MYBL2: variants seen among roughly 807,000 people sequenced by gnomAD.
MYBL2 encodes MYB proto-oncogene like 2, also known as myb-related protein B.
Under a neutral mutation model 79.9 loss-of-function variants are expected in MYBL2, and 28 were observed. The ratio of observed to expected loss-of-function variants is 0.35; its 90% confidence interval spans 0.26 to 0.48. The LOEUF (loss-of-function observed/expected upper bound fraction) is 0.48, where lower values mean the gene tolerates loss of function less well. Ranked by LOEUF, MYBL2 falls within the 20% of genes least tolerant of loss-of-function variation. The pLI is 0.99. For synonymous variants in MYBL2, 378 were observed against 361.2 expected (o/e 1.05, Z -0.53); for missense variants, 735 against 893.9 (o/e 0.82, Z 2.27).
chr20:43,716,129 G>A lies in MYBL2; in HGVS notation c.*42G>A. On this transcript the variant is annotated 3_prime_UTR_variant, in exon 14 of 14. Coordinates refer to ENST00000217026, the MANE Select transcript of MYBL2 (RefSeq NM_002466.4). ...CGAGCCCATTCTCATGTTTACAGGG[G>A]TTGTGGGGGCAGAGGGGGTCTGTGA... 2 of 1,598,084 alleles carry A rather than the reference G, an allele frequency of 1.3e-6. No homozygotes were observed. Among genetic ancestry groups the A allele is most frequent in the Non-Finnish European group, 1.7e-6 (2 of 1,178,724 alleles).
chr20:43,679,704 A>G (rs890462522), intron 2 of MYBL2, among the ~76,000 whole-genome samples: 2 of 152,136 alleles, frequency 1.3e-5, no homozygotes, highest in African/African-American at 4.8e-5. Flanking sequence ...TGCTTGAGGC[A>G]GTCTAGACCA....
At chr20:43,690,238 C>T (rs1332184947) in intron 5 of MYBL2, among the ~76,000 whole-genome samples, 3 of 150,366 alleles carry the variant, frequency 2.0e-5, no homozygotes, top group African/African-American at 7.4e-5. Context: ...CGGAGTCTTG[C>T]TCTGTCGCCC....
intron 2 of MYBL2, among the ~76,000 whole-genome samples, chr20:43,677,289 G>C (rs557231354): frequency 9.9e-4 from 150 of 152,240 alleles, no homozygotes; most frequent in African/African-American, 3.4e-3. Flanking sequence ...GGTCATCCGC[G>C]GCACCGGTAG....
chr20:43,706,717 A>AG (rs553045264), intron 9 of MYBL2, among the ~76,000 whole-genome samples: 1 of 95,284 alleles, frequency 1.0e-5, no homozygotes, highest in African/African-American at 4.8e-5. Context: ...AAAAAAAAAA[A>AG]AGTTTTTTTT....
At chr20:43,712,921 T>C in intron 11 of MYBL2, 81 bp from the exon 12 acceptor site, 1 of 1,098,972 alleles carries the variant, frequency 9.1e-7, no homozygotes, top group Non-Finnish European at 1.4e-6. Flanking sequence ...TTTGTGACCA[T>C]CCATGGCCAT....
At chr20:43,709,019 G>T (rs772502844) in intron 9 of MYBL2, among the ~76,000 whole-genome samples, 10 of 152,324 alleles carry the variant, frequency 6.6e-5, no homozygotes, top group South Asian at 4.1e-4. Context: ...AGGAAGAAAA[G>T]AATGGTCTGC....
In MYBL2 at chr20:43,686,900, G is replaced by A; in HGVS notation, c.328G>A (p.Ala110Thr). ...TGGCACAAAGCAGTGGACACTGATT[G>A]CCAAGCACCTGAAGGGCCGGCTGGG... The part of the protein sequence containing the change: ...KYGTKQWTLI[A>T]KHLKGRLGKQ... The change falls in exon 5 of 14, where the codon GCC (alanine) becomes ACC (threonine). Residue 110 changes from alanine (A) to threonine (T), a missense_variant. By Grantham distance (58) the Ala-to-Thr change is moderately conservative. Coordinates refer to ENST00000217026, the MANE Select transcript of MYBL2 (RefSeq NM_002466.4). The A allele has an allele frequency of 6.2e-7, 1 of 1,614,204 alleles. No homozygotes were observed. Among genetic ancestry groups the A allele is most frequent in the Non-Finnish European group, 8.5e-7 (1 of 1,180,038 alleles).
chr20:43,679,849 TGC>T (rs1387863303), intron 2 of MYBL2, among the ~76,000 whole-genome samples: 713 of 27,722 alleles, frequency 0.026, 24 homozygotes, highest in Admixed American at 0.11. Context: ...AGGTTGAGGA[TGC>T]GGGGTGGGCT....
In MYBL2 at chr20:43,686,560, G is replaced by A. The variant is rs62226226; in HGVS notation, c.280-292G>A. On this transcript the variant is annotated intron_variant, in intron 4 of 13. Coordinates refer to ENST00000217026, the MANE Select transcript of MYBL2 (RefSeq NM_002466.4). ...CTGGAGAGGGAAGCAGGACTCTGGCGCCTTTGTTTACCCCCACTTGATCTC... is the reference window on the plus strand; with the variant it reads ...CTGGAGAGGGAAGCAGGACTCTGGCACCTTTGTTTACCCCCACTTGATCTC... Among the ~76,000 whole-genome samples, 1,047 of 152,278 alleles carry A rather than the reference G, an allele frequency of 6.9e-3. 6 individuals carry two copies. The highest frequency in any genetic ancestry group is 0.012 in the Non-Finnish European group (806 of 68,018).
At chr20:43,677,694 C>A (rs866451083) in intron 2 of MYBL2, among the ~76,000 whole-genome samples, 2 of 150,822 alleles carry the variant, frequency 1.3e-5, no homozygotes, top group East Asian at 3.9e-4. Context: ...GGGGTCAGCC[C>A]CCTGCCTGGC....
chr20:43,687,443 A>T (rs919595438), intron 5 of MYBL2, among the ~76,000 whole-genome samples: 2 of 152,206 alleles, frequency 1.3e-5, no homozygotes, highest in Non-Finnish European at 2.9e-5. Flanking sequence ...GCTTTCTTTA[A>T]GAAGAAAATG....
chr20:43,667,973 G>A (rs1986760222), intron 1 of MYBL2, among the ~76,000 whole-genome samples: 1 of 152,008 alleles, frequency 6.6e-6, no homozygotes, highest in African/African-American at 2.4e-5. Flanking sequence ...AGAGTCCCTG[G>A]GGCAAAGGCA....
In MYBL2 at chr20:43,708,919, C is replaced by T. The variant is rs140565371; in HGVS notation, c.1506-1044C>T. On this transcript the variant is annotated intron_variant, in intron 9 of 13. Coordinates refer to ENST00000217026, the MANE Select transcript of MYBL2 (RefSeq NM_002466.4). ...GCTTATCTGTCTTCACTCTTCCTTA[C>T]AGAGGGGGATCTCTGTGTGTCCCAG... Among the ~76,000 whole-genome samples, 84 of 152,350 alleles carry T rather than the reference C, an allele frequency of 5.5e-4. No individual in the cohort carries two copies. The East Asian group carries it at 0.011, about 21-fold the overall frequency.
At chr20:43,679,929 T>C (rs1205086969) in intron 2 of MYBL2, among the ~76,000 whole-genome samples, 1 of 149,754 alleles carries the variant, frequency 6.7e-6, no homozygotes, top group Non-Finnish European at 1.5e-5. Flanking sequence ...AAAAAAAGGA[T>C]GGAAAACTGA....
At chr20:43,683,864 C>T (rs950201426) in intron 4 of MYBL2, among the ~76,000 whole-genome samples, 4 of 151,546 alleles carry the variant, frequency 2.6e-5, no homozygotes, top group African/African-American at 9.7e-5. Context: ...TGGAACTAGG[C>T]GTTTTTAAAT....
chr20:43,673,869 C>T lies in MYBL2; in HGVS notation c.84C>T (p.Ser28=). Residue 28 remains serine (S), a synonymous_variant, in exon 2 of 14, where the codon AGC becomes AGT. Coordinates refer to ENST00000217026, the MANE Select transcript of MYBL2 (RefSeq NM_002466.4). ...TDSDVPEQRD[S]KCKVKWTHEE... is the part of the protein sequence containing the mutation. ...CAGATGTGCCGGAGCAGAGGGATAG[C>T]AAGTGCAAGGTCAAATGGACCCATG... The T allele has an allele frequency of 1.3e-6, 2 of 1,554,402 alleles. No homozygotes were observed. Among genetic ancestry groups the T allele is most frequent in the African/African-American group, 2.7e-5 (2 of 73,264 alleles).
At chr20:43,684,297 G>T (rs1256012655) in intron 4 of MYBL2, among the ~76,000 whole-genome samples, 3 of 151,514 alleles carry the variant, frequency 2.0e-5, no homozygotes, top group African/African-American at 7.3e-5. Context: ...GAGTGCAATG[G>T]CGTGATCTTG....
At chr20:43,677,971 T>C (rs1213443753) in intron 2 of MYBL2, among the ~76,000 whole-genome samples, 2 of 152,244 alleles carry the variant, frequency 1.3e-5, no homozygotes, top group African/African-American at 4.8e-5. Flanking sequence ...GAAAAATTCT[T>C]CTGCCTTGGG....
Position 43,667,311 on chromosome 20 carries a change from G to T in MYBL2, c.20+8G>T, listed in dbSNP as rs1021487847. 1 of 1,229,698 alleles carries T rather than the reference G, an allele frequency of 8.1e-7. No individual in the cohort carries two copies. The highest frequency in any genetic ancestry group is 4.1e-5 in the South Asian group (1 of 24,274). The allele number at this position is 1,229,698 out of a possible 1,614,324, so 76.2% of individuals were successfully genotyped here. A position where few individuals can be genotyped will look rare whatever the true frequency, so the allele number is the denominator to read the frequency against. On this transcript the variant is annotated splice_region_variant and intron_variant, in intron 1 of 13. Transcript: ENST00000217026. ...GTCTCGGCGGACGCGCTGGTGAGACGAGCCGGGAGGGCTTGGGCCCCTCCC... is the reference window on the plus strand; with the variant it reads ...GTCTCGGCGGACGCGCTGGTGAGACTAGCCGGGAGGGCTTGGGCCCCTCCC...
Sources: allele counts gnomAD v4.1 joint callset (sites outside exome capture counted in the v4.1 genomes callset), GRCh38; gene constraint gnomAD v4.1.1; transcripts MANE v1.5; gene names NCBI Gene and HGNC (gene_info 2026-07-23, HGNC 2026-07-21).